CDCA7L: variants seen among roughly 807,000 people sequenced by gnomAD.
CDCA7L encodes cell division cycle associated 7 like.
A neutral mutation model predicts 57.4 loss-of-function variants in CDCA7L; 44 were observed. The ratio of observed to expected loss-of-function variants is 0.77; its 90% CI spans 0.60 to 0.98. The LOEUF (loss-of-function observed/expected upper bound fraction) is 0.98. Ranked by LOEUF, CDCA7L falls within the 50% of genes least tolerant of loss-of-function variation. CDCA7L has a pLI of 0.00. For missense variants in CDCA7L, 644 were observed against 580.6 expected (o/e 1.11, Z -1.12); for synonymous variants, 236 against 202.8 (o/e 1.16, Z -1.39).
At chr7:21,924,189 A>T (rs1011753619) in intron 1 of CDCA7L, among the ~76,000 whole-genome samples, 94 of 151,716 alleles carry the variant, frequency 6.2e-4, no homozygotes, top group African/African-American at 2.2e-3. Context: ...GAAGGAACAC[A>T]TTTATCAGTA....
chr7:21,928,078 C>A (rs540366237), intron 1 of CDCA7L, among the ~76,000 whole-genome samples: 134 of 152,322 alleles, frequency 8.8e-4, no homozygotes, highest in African/African-American at 2.7e-3. Context: ...CGGCTGGCAT[C>A]TGGTGGTTGC....
At chr7:21,914,875 G>T (rs916457280) in intron 2 of CDCA7L, among the ~76,000 whole-genome samples, 4 of 152,164 alleles carry the variant, frequency 2.6e-5, no homozygotes, top group African/African-American at 9.7e-5. Context: ...ACTACAAAAG[G>T]AGTCATCATA....
At position 21,919,513 on chromosome 7, in the gene CDCA7L, C is replaced by G. The variant is rs535092274; in HGVS notation, c.25-2619G>C. Reference sequence around the variant, plus strand: ...GGAAATGGCATTTAAAAACCAAGCTCGGAGAACACAATGCATCTCGGTTAA... The same window carrying G: ...GGAAATGGCATTTAAAAACCAAGCTGGGAGAACACAATGCATCTCGGTTAA... On this transcript the variant is annotated intron_variant, in intron 1 of 9. Coordinates refer to ENST00000406877, the MANE Select transcript of CDCA7L (RefSeq NM_018719.5). 3.0e-4 allele frequency among the ~76,000 whole-genome samples: 45 copies of G among 152,176 alleles called. 1 individual carries two copies. The South Asian group carries it at 8.9e-3, about 30-fold the overall frequency.
At chr7:21,904,043 A>C in intron 8 of CDCA7L, 67 bp downstream of exon 8, 41 of 1,421,422 alleles carry the variant, frequency 2.9e-5, no homozygotes, top group Non-Finnish European at 3.4e-5. Context: ...AGAACCCAGG[A>C]GGCCCATCTT....
chr7:21,924,080 G>C (rs1322480994), intron 1 of CDCA7L, among the ~76,000 whole-genome samples: 2 of 152,100 alleles, frequency 1.3e-5, no homozygotes, highest in East Asian at 3.9e-4. Flanking sequence ...ACTTTATATT[G>C]TGAAATTAAG....
At chr7:21,924,214 G>T (rs567195839) in intron 1 of CDCA7L, among the ~76,000 whole-genome samples, 40 of 134,368 alleles carry the variant, frequency 3.0e-4, no homozygotes, top group Middle Eastern at 3.6e-3. Context: ...TTTTTGAAGA[G>T]AAAGAAAATA....
intron 1 of CDCA7L, among the ~76,000 whole-genome samples, chr7:21,934,054 C>T (rs930895524): frequency 9.2e-5 from 14 of 152,066 alleles, no homozygotes; most frequent in Admixed American, 2.0e-4. Context: ...GAAAGGAGTA[C>T]TTCACATTTA....
In CDCA7L at chr7:21,903,095, CA is replaced by C. The variant is rs769081015; in HGVS notation, c.1216del (p.Cys406ValfsTer46). On this transcript the variant is annotated frameshift_variant, in exon 9 of 10. Coordinates refer to ENST00000406877, the MANE Select transcript of CDCA7L (RefSeq NM_018719.5). LOFTEE classifies it high-confidence loss of function. ...LLDPDWVCPP[C>X]RGICNCSYCR... ...GTAGCTGCAATTGCAGATCCCACGA[CA>C]GGGGGGACACACCCAATCCTAACAG... is the stretch of plus-strand genomic sequence containing the variant. 25 of 1,613,882 alleles carry C rather than the reference CA, an allele frequency of 1.5e-5. No individual in the cohort carries two copies. Among genetic ancestry groups the C allele is most frequent in the Admixed American group, 1.3e-4 (8 of 60,012 alleles).
At chr7:21,944,269 T>G (rs1786434931) in intron 1 of CDCA7L, among the ~76,000 whole-genome samples, 1 of 119,430 alleles carries the variant, frequency 8.4e-6, no homozygotes, top group Admixed American at 8.3e-5. Flanking sequence ...TGAAACCCTG[T>G]CTCTACTAAA....
At chr7:21,915,828 GGAAA>G in intron 2 of CDCA7L, among the ~76,000 whole-genome samples, 1 of 151,668 alleles carries the variant, frequency 6.6e-6, no homozygotes, top group Admixed American at 6.6e-5. Context: ...ACTCCATCTT[GGAAA>G]GAAAGAAAAT....
chr7:21,938,757 C>A (rs1786250807), intron 1 of CDCA7L, among the ~76,000 whole-genome samples: 1 of 152,212 alleles, frequency 6.6e-6, no homozygotes, highest in East Asian at 1.9e-4. Context: ...CTAATCCCAG[C>A]ACTTTGGGAG....
At chr7:21,931,915 C>A (rs1469988597) in intron 1 of CDCA7L, among the ~76,000 whole-genome samples, 1 of 152,198 alleles carries the variant, frequency 6.6e-6, no homozygotes, top group Non-Finnish European at 1.5e-5. Context: ...AAAATCCCAT[C>A]GTCTCAGCCC....
At position 21,945,648 on chromosome 7, in the gene CDCA7L, C is replaced by T; in HGVS notation, c.24+133G>A. 4 of 1,162,594 alleles carry T rather than the reference C, an allele frequency of 3.4e-6. No homozygotes were observed. In the South Asian group the frequency reaches 4.2e-5, roughly 12 times the overall value. The allele number at this position is 1,162,594 out of a possible 1,614,324, so 72.0% of individuals were successfully genotyped here. ...AGGGCGCGCCCACTCCGGCACTCAA[C>T]CGGCTGGGCGCGCCAGATCCCCAGT... On this transcript the variant is annotated intron_variant, in intron 1 of 9. Transcript: ENST00000406877.
chr7:21,936,404 C>A (rs575722080), intron 1 of CDCA7L, among the ~76,000 whole-genome samples: 1 of 152,250 alleles, frequency 6.6e-6, no homozygotes, highest in East Asian at 1.9e-4. Flanking sequence ...CTTACGAATA[C>A]TGATACAAGA....
intron 1 of CDCA7L, among the ~76,000 whole-genome samples, chr7:21,924,484 C>A (rs1020466331): frequency 3.3e-5 from 5 of 152,164 alleles, no homozygotes; most frequent in African/African-American, 1.2e-4. Context: ...TCCTCTTTAA[C>A]ACACCACGAA....
intron 2 of CDCA7L, among the ~76,000 whole-genome samples, chr7:21,916,196 A>G (rs930735526): frequency 6.6e-6 from 1 of 152,172 alleles, no homozygotes; most frequent in Non-Finnish European, 1.5e-5. Context: ...ACTGAAGGGT[A>G]GAGATTTTGG....
intron 1 of CDCA7L, among the ~76,000 whole-genome samples, chr7:21,925,496 A>T (rs1019241730): frequency 2.6e-5 from 4 of 152,218 alleles, no homozygotes; most frequent in African/African-American, 9.7e-5. Flanking sequence ...TTTTTAAAAA[A>T]TTAAATACAG....
At chr7:21,943,244 C>T (rs1328347614) in intron 1 of CDCA7L, among the ~76,000 whole-genome samples, 1 of 152,244 alleles carries the variant, frequency 6.6e-6, no homozygotes, top group African/African-American at 2.4e-5. Context: ...TGTCAGAGGA[C>T]ATCAAATCCA....
chr7:21,931,078 A>G (rs1428896387), intron 1 of CDCA7L, among the ~76,000 whole-genome samples: 1 of 152,250 alleles, frequency 6.6e-6, no homozygotes, highest in East Asian at 1.9e-4. Flanking sequence ...AGTCTAAACT[A>G]GGAAGAAGTC....
Sources: gnomAD v4.1 joint callset for allele counts (sites outside exome capture counted in the v4.1 genomes callset) on GRCh38, gnomAD v4.1.1 for gene constraint, MANE v1.5 for transcripts, NCBI Gene and HGNC (gene_info 2026-07-23, HGNC 2026-07-21) for gene names.